GCM1: variants seen among roughly 807,000 people sequenced by gnomAD.
GCM1 encodes GCM transcription factor 1.
GCM1 carries 2 observed loss-of-function variants against 25.7 expected under a neutral mutation model. That is an observed-to-expected ratio of 0.08 (90% CI 0.03 to 0.24). The LOEUF (loss-of-function observed/expected upper bound fraction) is 0.24. Ranked by LOEUF, GCM1 falls within the 10% of genes least tolerant of loss-of-function variation. The pLI, the probability that GCM1 is intolerant of heterozygous loss-of-function variation, is 1.00. For missense variants in GCM1, 395 were observed against 538.7 expected (o/e 0.73, Z 2.64); for synonymous variants, 183 against 195.7 (o/e 0.94, Z 0.54).
In GCM1 at chr6:53,139,832, G is replaced by A. The variant is rs900739186; in HGVS notation, c.76-5508C>T. Among the ~76,000 whole-genome samples the A allele has an allele frequency of 4.6e-5, 7 of 152,216 alleles. 1 individual carries two copies. Among genetic ancestry groups the A allele is most frequent in the Admixed American group, 2.0e-4 (3 of 15,292 alleles). Reference sequence around the variant, plus strand: ...GCTGGGATCACACCATTGCACTCCAGCCTGGGCGACAGAGTGAGACTCCGT... The same window carrying A: ...GCTGGGATCACACCATTGCACTCCAACCTGGGCGACAGAGTGAGACTCCGT... On this transcript the variant is annotated intron_variant, in intron 2 of 5. Transcript: ENST00000259803.
In GCM1 at chr6:53,128,101, T is replaced by C; in HGVS notation, c.*105A>G. ...AAGCCTTGTCTACTGCTTATCATGA[T>C]TCTCATTTATCTGTGGTTATGTTTT... On this transcript the variant is annotated 3_prime_UTR_variant, in exon 6 of 6. Coordinates refer to ENST00000259803, the MANE Select transcript of GCM1 (RefSeq NM_003643.4). 1 of 746,062 alleles carries C rather than the reference T, an allele frequency of 1.3e-6. No homozygotes were observed. Among genetic ancestry groups the C allele is most frequent in the Non-Finnish European group, 2.2e-6 (1 of 458,128 alleles). 46.2% of individuals were successfully genotyped at this position (746,062 alleles called of 1,614,324 possible).
chr6:53,134,370 A>G, intron 2 of GCM1, 46 bp from the exon 3 acceptor site: 1 of 1,585,044 alleles, frequency 6.3e-7, no homozygotes. Flanking sequence ...GCTAGAAAAC[A>G]CAGCTGTCAC....
At chr6:53,136,032 AT>A (rs1202120638) in intron 2 of GCM1, among the ~76,000 whole-genome samples, 2 of 152,254 alleles carry the variant, frequency 1.3e-5, no homozygotes, top group East Asian at 3.8e-4. Flanking sequence ...TAGATTCCAT[AT>A]AACGATACTT....
chr6:53,134,076 C>T lies in GCM1; in HGVS notation c.324G>A (p.Gln108=). The T allele has an allele frequency of 1.2e-6, 2 of 1,613,830 alleles. No homozygotes were observed. Among genetic ancestry groups the T allele is most frequent in the Admixed American group, 1.7e-5 (1 of 60,014 alleles). The change falls in exon 3 of 6, where the codon CAG becomes CAA. Residue 108 remains glutamine, a synonymous_variant. Coordinates refer to ENST00000259803, the MANE Select transcript of GCM1 (RefSeq NM_003643.4). Reference sequence around the variant, plus strand: ...GTGCCACTAAGCTCTACTCACGCTGCTGCTTCTGCCGGGCCTTGTCACAGA... The same window carrying T: ...GTGCCACTAAGCTCTACTCACGCTGTTGCTTCTGCCGGGCCTTGTCACAGA... ...PAICDKARQK[Q]QRKRCPNCDG... is the part of the protein sequence containing the mutation.
chr6:53,144,887 C>T (rs147169691), intron 2 of GCM1, among the ~76,000 whole-genome samples: 1 of 129,650 alleles, frequency 7.7e-6, no homozygotes. Flanking sequence ...TGCACTCCAA[C>T]CTAGTTGACA....
intron 2 of GCM1, among the ~76,000 whole-genome samples, chr6:53,137,307 G>A (rs920962085): frequency 2.0e-5 from 3 of 152,200 alleles, no homozygotes; most frequent in East Asian, 1.9e-4. Flanking sequence ...CAATGCCCGG[G>A]GTGAGAGAAG....
At chr6:53,132,198 T>C (rs922708154) in intron 3 of GCM1, 79 bp from the exon 4 acceptor site, 1 of 900,106 alleles carries the variant, frequency 1.1e-6, no homozygotes, top group Non-Finnish European at 1.9e-6. Flanking sequence ...TTGAAGATTT[T>C]AGCCCTGACT....
intron 2 of GCM1, among the ~76,000 whole-genome samples, chr6:53,142,598 C>CA (rs1763891052): frequency 1.3e-5 from 2 of 152,118 alleles, no homozygotes; most frequent in Admixed American, 1.3e-4. Flanking sequence ...TGGAGAATTC[C>CA]TATTTTCATT....
intron 1 of GCM1, among the ~76,000 whole-genome samples, chr6:53,148,544 A>G (rs1763997481): frequency 2.0e-5 from 3 of 152,232 alleles, no homozygotes; most frequent in Non-Finnish European, 4.4e-5. Flanking sequence ...ACCATTTTAC[A>G]GCCCTTAAGT....
At chr6:53,146,055 G>A (rs111334072) in intron 1 of GCM1, among the ~76,000 whole-genome samples, 2,718 of 152,060 alleles carry the variant, frequency 0.018, 32 homozygotes, top group African/African-American at 0.025. Context: ...CCAATGGCTA[G>A]GACTTTTCCT....
At chr6:53,146,735 G>A (rs896953950) in intron 1 of GCM1, among the ~76,000 whole-genome samples, 2 of 152,078 alleles carry the variant, frequency 1.3e-5, no homozygotes, top group African/African-American at 2.4e-5. Context: ...AGACTGTTTG[G>A]CAGCATCCCT....
chr6:53,129,544 G>A (rs1763694740), intron 5 of GCM1, among the ~76,000 whole-genome samples: 1 of 152,228 alleles, frequency 6.6e-6, no homozygotes, highest in Non-Finnish European at 1.5e-5. Context: ...AAAGTGCTGG[G>A]ATTAGAGGCA....
intron 5 of GCM1, among the ~76,000 whole-genome samples, chr6:53,129,549 G>C (rs747479829): frequency 2.0e-5 from 3 of 152,196 alleles, no homozygotes; most frequent in Non-Finnish European, 2.9e-5. Flanking sequence ...GCTGGGATTA[G>C]AGGCATAAGC....
chr6:53,134,306 A>T lies in GCM1; in HGVS notation c.94T>A (p.Trp32Arg). ...KLPQNVKKTDWFQEWPDSYAK... is the reference protein window; with the variant it reads ...KLPQNVKKTDRFQEWPDSYAK... ...TAGGAATCTGGCCACTCCTGGAACC[A>T]GTCGGTTTTTTTCACGTTCTGATAG... The change falls in exon 3 of 6, where the codon TGG becomes AGG. Residue 32 changes from tryptophan to arginine, a missense_variant. Coordinates refer to ENST00000259803, the MANE Select transcript of GCM1 (RefSeq NM_003643.4). 6.2e-7 allele frequency: 1 copy of T among 1,613,836 alleles called. No homozygotes were observed. Among genetic ancestry groups the T allele is most frequent in the Non-Finnish European group, 8.5e-7 (1 of 1,179,776 alleles).
rs146392597 is a variant in GCM1 at position 53,135,113 on chromosome 6, T to G, written c.76-789A>C. On this transcript the variant is annotated intron_variant, in intron 2 of 5. Coordinates refer to ENST00000259803, the MANE Select transcript of GCM1 (RefSeq NM_003643.4). ...TGGCGCTATGCCCTGTGTATGAACA[T>G]TTGACTAAACTCTCCTTTAAAACAT... Among the ~76,000 whole-genome samples, 394 of 152,334 alleles carry G rather than the reference T, an allele frequency of 2.6e-3. 2 individuals are homozygous for G. Among genetic ancestry groups the G allele is most frequent in the African/African-American group, 9.2e-3 (382 of 41,584 alleles).
chr6:53,140,539 A>AAAAG (rs1763859302), intron 2 of GCM1, among the ~76,000 whole-genome samples: 1 of 151,718 alleles, frequency 6.6e-6, no homozygotes, highest in Non-Finnish European at 1.5e-5. Context: ...CCAAAAAAAA[A>AAAAG]AAAAAAAAGT....
intron 2 of GCM1, among the ~76,000 whole-genome samples, chr6:53,135,127 CCT>C (rs1285435949): frequency 6.6e-6 from 1 of 152,194 alleles, no homozygotes; most frequent in East Asian, 1.9e-4. Flanking sequence ...ACTAAACTCT[CCT>C]TTAAAACATC....
chr6:53,146,853 A>C (rs1763964905), intron 1 of GCM1, among the ~76,000 whole-genome samples: 1 of 152,136 alleles, frequency 6.6e-6, no homozygotes, highest in African/African-American at 2.4e-5. Context: ...AGAAACATGC[A>C]GAAACCGTGT....
At chr6:53,134,372 A>C in intron 2 of GCM1, 48 bp from the exon 3 acceptor site, 2 of 1,582,334 alleles carry the variant, frequency 1.3e-6, no homozygotes, top group Non-Finnish European at 1.7e-6. Context: ...TAGAAAACAC[A>C]GCTGTCACCC....
Sources: gnomAD v4.1 joint callset for allele counts (sites outside exome capture counted in the v4.1 genomes callset) on GRCh38, gnomAD v4.1.1 for gene constraint, MANE v1.5 for transcripts, NCBI Gene and HGNC (gene_info 2026-07-23, HGNC 2026-07-21) for gene names.